The following USP34 variants were observed in gnomAD, a reference collection of about 807,000 sequenced individuals.
The protein encoded by USP34 is ubiquitin carboxyl-terminal hydrolase 34.
In USP34, 70 loss-of-function variants were observed where a neutral mutation model predicts 460.3. The ratio of observed to expected loss-of-function variants is 0.15; its 90% CI spans 0.13 to 0.19. The LOEUF (loss-of-function observed/expected upper bound fraction) is 0.19. Ranked by LOEUF, USP34 falls within the 10% of genes least tolerant of loss-of-function variation. The pLI is 1.00. For synonymous variants in USP34, 1,647 were observed against 1,405.3 expected, an observed-to-expected ratio of 1.17 and a Z score of -3.85; for missense variants, 3,985 against 4,236.2, an observed-to-expected ratio of 0.94 and a Z score of 1.65.
chr2:61,406,136 A>G lies in USP34; in HGVS notation c.132-8T>C, dbSNP rs1463813621. Reference sequence around the variant, plus strand: ...AAGCAGCATAGACATTGCCTATAAGAGAAAAAAAATTGAATAAATTAGTAA... The same window carrying G: ...AAGCAGCATAGACATTGCCTATAAGGGAAAAAAAATTGAATAAATTAGTAA... On this transcript the variant is annotated splice_polypyrimidine_tract_variant and splice_region_variant and intron_variant, in intron 2 of 79. Coordinates refer to ENST00000398571, the MANE Select transcript of USP34 (RefSeq NM_014709.4). 6.6e-7 allele frequency: 1 copy of G among 1,525,466 alleles called. No individual in the cohort carries two copies. The highest frequency in any genetic ancestry group is 8.8e-7 in the Non-Finnish European group (1 of 1,140,442). 94.5% of individuals were successfully genotyped at this position (1,525,466 alleles called of 1,614,324 possible). A position where few individuals can be genotyped will look rare whatever the true frequency, so the allele number is the denominator to read the frequency against.
chr2:61,238,912 T>G (rs1688149673), intron 53 of USP34, among the ~76,000 whole-genome samples: 1 of 151,996 alleles, frequency 6.6e-6, no homozygotes, highest in Non-Finnish European at 1.5e-5. Context: ...TGTGCTCACT[T>G]TCTGTCTCTG....
At chr2:61,278,483 T>G in intron 39 of USP34, 40 bp from the exon 40 acceptor site, 1 of 1,411,432 alleles carries the variant, frequency 7.1e-7, no homozygotes, top group South Asian at 1.4e-5. Context: ...ATATAAATTT[T>G]TTATGTTTTA....
chr2:61,316,719 T>C (rs903982355), intron 23 of USP34, among the ~76,000 whole-genome samples: 7 of 151,962 alleles, frequency 4.6e-5, no homozygotes, highest in Non-Finnish European at 7.4e-5. Context: ...ACCCCACCTA[T>C]ACTAAAAATA....
chr2:61,387,541 A>C (rs1693187845), intron 5 of USP34, among the ~76,000 whole-genome samples: 2 of 147,352 alleles, frequency 1.4e-5, no homozygotes, highest in South Asian at 4.2e-4. Context: ...ATACACACAT[A>C]TATAAAATAT....
chr2:61,432,064 G>A (rs2463100), intron 1 of USP34, among the ~76,000 whole-genome samples: 2 of 151,706 alleles, frequency 1.3e-5, no homozygotes, highest in Non-Finnish European at 2.9e-5. Flanking sequence ...ACCATGGCCA[G>A]GGGTAGCAGC....
At chr2:61,292,273 T>G (rs2167566) in intron 33 of USP34, among the ~76,000 whole-genome samples, 55,655 of 151,948 alleles carry the variant, frequency 0.37, 10,183 homozygotes, top group African/African-American at 0.38. Flanking sequence ...AGAACAATCC[T>G]GAACTTAGAA....
At chr2:61,420,971 C>A in intron 1 of USP34, 138 bp from the exon 2 acceptor site, 1 of 569,968 alleles carries the variant, frequency 1.8e-6, no homozygotes. Flanking sequence ...AATAAGTCTA[C>A]TTTTAATTAA....
At chr2:61,380,421 T>G in intron 6 of USP34, 60 bp from the exon 7 acceptor site, 2 of 1,505,344 alleles carry the variant, frequency 1.3e-6, no homozygotes, top group East Asian at 4.7e-5. Flanking sequence ...TAAAGACCAC[T>G]CAGTAACTTA....
At position 61,257,770 on chromosome 2, in the gene USP34, G is replaced by A. The variant is rs1373651858; in HGVS notation, c.5845-420C>T. On this transcript the variant is annotated intron_variant, in intron 44 of 79. Transcript: ENST00000398571. ...AAAAATACAAAAACTAGCTGGGTGC[G>A]GTTGCGCATGCCTGTAGTCCCAGCT... Among the ~76,000 whole-genome samples the A allele has an allele frequency of 3.9e-5, 6 of 151,998 alleles. No homozygotes were observed. In the East Asian group the frequency reaches 7.7e-4, roughly 20 times the overall value.
At chr2:61,274,797 C>T (rs924008797) in intron 41 of USP34, among the ~76,000 whole-genome samples, 7 of 152,122 alleles carry the variant, frequency 4.6e-5, no homozygotes, top group Admixed American at 1.3e-4. Flanking sequence ...ACTTGGTTTT[C>T]GTTTTTAACA....
intron 51 of USP34, among the ~76,000 whole-genome samples, chr2:61,244,538 C>T (rs1054697356): frequency 3.3e-5 from 5 of 151,666 alleles, no homozygotes; most frequent in Non-Finnish European, 5.9e-5. Flanking sequence ...TAGCTGGAAC[C>T]CAGGAGGTGG....
At position 61,350,314 on chromosome 2, in the gene USP34, G is replaced by T; in HGVS notation, c.1453C>A (p.Gln485Lys). 1 of 1,613,350 alleles carries T rather than the reference G, an allele frequency of 6.2e-7. No homozygotes were observed. Among genetic ancestry groups the T allele is most frequent in the Non-Finnish European group, 8.5e-7 (1 of 1,179,570 alleles). ...TTTAATAAAGATGCAAAAGAACTCT[G>T]TTTAGATAACTGAGCCTTAGCTGCT... ...ALAAKAQLSK[Q>K]SSFASLLNTN... The change falls in exon 12 of 80, where the codon CAG becomes AAG. Residue 485 changes from glutamine to lysine, a missense_variant. Coordinates refer to ENST00000398571, the MANE Select transcript of USP34 (RefSeq NM_014709.4).
At chr2:61,371,367 G>A (rs931810605) in intron 8 of USP34, among the ~76,000 whole-genome samples, 1 of 150,756 alleles carries the variant, frequency 6.6e-6, no homozygotes, top group Non-Finnish European at 1.5e-5. Context: ...ATCTTTAAAG[G>A]ATACTCTTTC....
intron 1 of USP34, among the ~76,000 whole-genome samples, chr2:61,459,764 C>CA (rs113689443): frequency 0.07 from 7,016 of 100,862 alleles, 366 homozygotes; most frequent in African/African-American, 0.18. Flanking sequence ...GCTACAGAGC[C>CA]AAAAAAAAAA....
intron 3 of USP34, among the ~76,000 whole-genome samples, chr2:61,401,674 G>C (rs1360835702): frequency 6.9e-6 from 1 of 145,638 alleles, no homozygotes; most frequent in East Asian, 2.0e-4. Flanking sequence ...TCAGCCTCCA[G>C]AGTAGCTGGG....
chr2:61,463,410 T>C lies in USP34; in HGVS notation c.43+7240A>G, dbSNP rs552404286. On this transcript the variant is annotated intron_variant, in intron 1 of 79. Coordinates refer to ENST00000398571, the MANE Select transcript of USP34 (RefSeq NM_014709.4). ...ATACTTATTACCACTTTTGAATTCCTACTACAATTATCACAGAAATTTGTC... is the reference window on the plus strand; with the variant it reads ...ATACTTATTACCACTTTTGAATTCCCACTACAATTATCACAGAAATTTGTC... 3.3e-5 allele frequency among the ~76,000 whole-genome samples: 5 copies of C among 152,338 alleles called. No individual in the cohort carries two copies. The East Asian group carries it at 9.6e-4, about 29-fold the overall frequency.
chr2:61,420,515 A>G (rs1481335876), intron 2 of USP34, among the ~76,000 whole-genome samples: 1 of 152,178 alleles, frequency 6.6e-6, no homozygotes, highest in African/African-American at 2.4e-5. Flanking sequence ...TGTGACTCTC[A>G]TATCCCTAAA....
chr2:61,344,426 T>C (rs901667804), intron 15 of USP34, among the ~76,000 whole-genome samples: 1 of 152,190 alleles, frequency 6.6e-6, no homozygotes, highest in Non-Finnish European at 1.5e-5. Flanking sequence ...GCAGTCTTGA[T>C]GGACTTAATA....
At chr2:61,299,665 C>A (rs1299729566) in intron 29 of USP34, among the ~76,000 whole-genome samples, 1 of 143,076 alleles carries the variant, frequency 7.0e-6, no homozygotes, top group Non-Finnish European at 1.5e-5. Flanking sequence ...GCAGCAGGAT[C>A]ACTTGAACCT....
Sources: allele counts gnomAD v4.1 joint callset (sites outside exome capture counted in the v4.1 genomes callset), GRCh38; gene constraint gnomAD v4.1.1; transcripts MANE v1.5; gene names NCBI Gene and HGNC (gene_info 2026-07-23, HGNC 2026-07-21).